The following SPIDR variants were observed in gnomAD, a reference collection of about 807,000 sequenced individuals.
SPIDR encodes the protein scaffold protein involved in DNA repair, also known as DNA repair-scaffolding protein.
In SPIDR, 93 loss-of-function variants were observed where a neutral mutation model predicts 104.6. The ratio of observed to expected loss-of-function variants is 0.89; its 90% CI spans 0.75 to 1.06. SPIDR has a LOEUF of 1.06. SPIDR is among the 50% of genes least tolerant of loss of function. The pLI is 0.00. For synonymous variants in SPIDR, 431 were observed against 416.9 expected (o/e 1.03, Z -0.41); for missense variants, 1,154 against 1,111.2 (o/e 1.04, Z -0.55).
chr8:47,366,120 G>A (rs2057163342), intron 5 of SPIDR, among the ~76,000 whole-genome samples: 1 of 152,108 alleles, frequency 6.6e-6, no homozygotes. Flanking sequence ...CAAGTAAGTT[G>A]CAGATGAGAG....
chr8:47,596,017 A>G lies in SPIDR; in HGVS notation c.1293+11A>G, dbSNP rs564017647. On this transcript the variant is annotated intron_variant, in intron 9 of 19. Transcript: ENST00000297423. ...TCACCTGAAATCCAGGTAAACTCCT[A>G]TTGGCCTAAAGGTTTTATGCTTGTA... is the stretch of plus-strand genomic sequence containing the variant. The G allele has an allele frequency of 6.2e-7, 1 of 1,605,070 alleles. No homozygotes were observed.
chr8:47,329,713 C>A (rs782452189), intron 5 of SPIDR, among the ~76,000 whole-genome samples: 7 of 151,842 alleles, frequency 4.6e-5, no homozygotes, highest in Non-Finnish European at 1.0e-4. Context: ...ATAATTTTGT[C>A]TTTTATAGAA....
At chr8:47,655,468 A>G (rs1588883109) in intron 10 of SPIDR, among the ~76,000 whole-genome samples, 1 of 152,314 alleles carries the variant, frequency 6.6e-6, no homozygotes, top group East Asian at 1.9e-4. Context: ...TATTTCTCTG[A>G]TGGCCAGTGA....
intron 8 of SPIDR, among the ~76,000 whole-genome samples, chr8:47,449,839 A>G (rs782082719): frequency 5.3e-5 from 8 of 152,214 alleles, no homozygotes; most frequent in Non-Finnish European, 7.3e-5. Flanking sequence ...TTGTGATGCT[A>G]TAACAGAAAA....
chr8:47,408,704 C>A (rs1050635045), intron 7 of SPIDR, among the ~76,000 whole-genome samples: 1 of 152,134 alleles, frequency 6.6e-6, no homozygotes, highest in African/African-American at 2.4e-5. Flanking sequence ...CTATAAGACA[C>A]CCTGCCCCTG....
At chr8:47,536,196 GTTA>G (rs2086885953) in intron 8 of SPIDR, among the ~76,000 whole-genome samples, 1 of 152,038 alleles carries the variant, frequency 6.6e-6, no homozygotes, top group African/African-American at 2.4e-5. Context: ...AAGACTCAAT[GTTA>G]TTAAGATGTC....
intron 8 of SPIDR, among the ~76,000 whole-genome samples, chr8:47,546,166 A>G (rs1330966827): frequency 6.6e-6 from 1 of 151,344 alleles, no homozygotes; most frequent in African/African-American, 2.5e-5. Context: ...CGTGAAAAAG[A>G]TTATGGAGAA....
intron 10 of SPIDR, 155 bp from the exon 11 acceptor site, chr8:47,673,646 T>A (rs1175722089): frequency 5.9e-6 from 6 of 1,012,522 alleles, no homozygotes; most frequent in South Asian, 5.8e-5. Context: ...GGATTTCTTT[T>A]TTTTTTCCCC....
chr8:47,665,768 TATC>T (rs2074824712), intron 10 of SPIDR, among the ~76,000 whole-genome samples: 1 of 152,206 alleles, frequency 6.6e-6, no homozygotes, highest in Non-Finnish European at 1.5e-5. Context: ...GGGTGTAAAA[TATC>T]ATATTATCAA....
At position 47,397,468 on chromosome 8, in the gene SPIDR, C is replaced by A. The variant is rs574010660; in HGVS notation, c.776+842C>A. ...CTGAGATCGTGCCATTGCACTCCAG[C>A]CTGGGCAACAGGGCAAGACTCCGTC... On this transcript the variant is annotated intron_variant, in intron 6 of 19. Coordinates refer to ENST00000297423, the MANE Select transcript of SPIDR (RefSeq NM_001080394.4). 2.0e-5 allele frequency among the ~76,000 whole-genome samples: 3 copies of A among 152,208 alleles called. No homozygotes were observed. In the South Asian group the frequency reaches 6.2e-4, roughly 32 times the overall value.
At chr8:47,465,777 G>A (rs1308941730) in intron 8 of SPIDR, among the ~76,000 whole-genome samples, 1 of 151,974 alleles carries the variant, frequency 6.6e-6, no homozygotes, top group African/African-American at 2.4e-5. Flanking sequence ...GTCTTCAAGA[G>A]ACCCATCTCA....
chr8:47,418,107 G>T (rs2064704047), intron 7 of SPIDR, among the ~76,000 whole-genome samples: 1 of 152,130 alleles, frequency 6.6e-6, no homozygotes, highest in Non-Finnish European at 1.5e-5. Flanking sequence ...GGCAATGCGG[G>T]CTCTTTTTGG....
intron 10 of SPIDR, among the ~76,000 whole-genome samples, chr8:47,639,149 G>T (rs1480460307): frequency 6.6e-6 from 1 of 152,200 alleles, no homozygotes; most frequent in Non-Finnish European, 1.5e-5. Context: ...GCTAAGGAGT[G>T]TTCTAGTTAT....
chr8:47,664,796 C>T (rs72646375), intron 10 of SPIDR, among the ~76,000 whole-genome samples: 1,752 of 149,686 alleles, frequency 0.012, 17 homozygotes, highest in Non-Finnish European at 0.02. Context: ...CTTGGGAGGC[C>T]GCAGTGGAAG....
At chr8:47,522,156 G>C (rs1280796090) in intron 8 of SPIDR, among the ~76,000 whole-genome samples, 3 of 146,170 alleles carry the variant, frequency 2.1e-5, no homozygotes, top group Non-Finnish European at 3.0e-5. Flanking sequence ...TGGGCGACAA[G>C]AGCGAGAGTC....
At chr8:47,389,133 C>T (rs553888107) in intron 5 of SPIDR, among the ~76,000 whole-genome samples, 3 of 152,258 alleles carry the variant, frequency 2.0e-5, no homozygotes, top group East Asian at 1.9e-4. Context: ...TCATTCTTTG[C>T]TCTGTGCATT....
chr8:47,565,922 A>G (rs1211209044), intron 8 of SPIDR, among the ~76,000 whole-genome samples: 1 of 139,434 alleles, frequency 7.2e-6, no homozygotes, highest in African/African-American at 2.6e-5. Flanking sequence ...TATAACCACC[A>G]TATACCAGGT....
intron 10 of SPIDR, chr8:47,654,236 G>T: frequency 8.1e-7 from 1 of 1,228,320 alleles, no homozygotes; most frequent in South Asian, 1.3e-5. Flanking sequence ...AAAGAACAGG[G>T]TTTAAGAGAC....
chr8:47,438,234 C>G (rs911364580), intron 7 of SPIDR, among the ~76,000 whole-genome samples: 16 of 152,180 alleles, frequency 1.1e-4, no homozygotes, highest in Non-Finnish European at 2.2e-4. Context: ...GGAGCCCTGA[C>G]AGCTGCTGCT....
Sources: gnomAD v4.1 joint callset for allele counts (sites outside exome capture counted in the v4.1 genomes callset) on GRCh38, gnomAD v4.1.1 for gene constraint, MANE v1.5 for transcripts, NCBI Gene and HGNC (gene_info 2026-07-23, HGNC 2026-07-21) for gene names.